Variants in BLM observed in about 807,000 individuals in gnomAD.
BLM encodes the protein recQ-like DNA helicase BLM.
In BLM, 95 loss-of-function variants were observed where a neutral mutation model predicts 135.3. The observed-to-expected ratio is 0.70, with a 90% confidence interval of 0.59 to 0.83. The LOEUF is 0.83. Among genes scored for constraint, BLM ranks in the 40% least tolerant of loss-of-function variants. The pLI is 0.00. For synonymous variants in BLM, 520 were observed against 589.2 expected (o/e 0.88, Z 1.70); for missense variants, 1,518 against 1,663.9 (o/e 0.91, Z 1.53).
chr15:90,808,829 G>T (rs1897340292), intron 19 of BLM: 1 of 453,548 alleles, frequency 2.2e-6, no homozygotes, highest in Non-Finnish European at 4.1e-6. Flanking sequence ...GGAACAGTGG[G>T]CAAGAGCAGA....
Position 90,769,241 on chromosome 15 carries a change from GT to G in BLM, c.2406+16del, listed in dbSNP as rs769233210. 2 of 1,596,344 alleles carry G rather than the reference GT, an allele frequency of 1.3e-6. No homozygotes were observed. The highest frequency in any genetic ancestry group is 8.6e-7 in the Non-Finnish European group (1 of 1,163,882). ...ACATTGTGTCAGTCAGGTAAATACT[GT>G]TTTTTATATCCGGAAATACCGATAA... On this transcript the variant is annotated intron_variant, in intron 11 of 21. Coordinates refer to ENST00000355112, the MANE Select transcript of BLM (RefSeq NM_000057.4).
intron 7 of BLM, among the ~76,000 whole-genome samples, chr15:90,762,008 T>C (rs924679126): frequency 1.3e-5 from 2 of 152,226 alleles, no homozygotes; most frequent in African/African-American, 4.8e-5. Flanking sequence ...GCCCTCCCTA[T>C]TTTTGCCATT....
Position 90,751,479 on chromosome 15 carries a change from G to A in BLM, c.800-308G>A, listed in dbSNP as rs183354552. Among the ~76,000 whole-genome samples the A allele has an allele frequency of 2.8e-3, 429 of 152,300 alleles. 1 individual carries two copies. The highest frequency in any genetic ancestry group is 0.014 in the Middle Eastern group (4 of 292). Reference sequence around the variant, plus strand: ...GCACTTTACCCTTATTTAAATATGAGTGAAAAGTTAAAAACTAGAAACGTC... The same window carrying A: ...GCACTTTACCCTTATTTAAATATGAATGAAAAGTTAAAAACTAGAAACGTC... On this transcript the variant is annotated intron_variant, in intron 3 of 21. Transcript: ENST00000355112.
chr15:90,771,486 CAAAAACA>C lies in BLM; in HGVS notation c.2555+1920_2555+1926del, dbSNP rs573740305. Reference sequence around the variant, plus strand: ...TGGGCAACAGAGTAAGGCCCTGTCTCAAAAACAAAAAACAAAAAACAAAAAAAAAGAT... The same window carrying C: ...TGGGCAACAGAGTAAGGCCCTGTCTCAAAAACAAAAAACAAAAAAAAAGAT... On this transcript the variant is annotated intron_variant, in intron 12 of 21. Coordinates refer to ENST00000355112, the MANE Select transcript of BLM (RefSeq NM_000057.4). Among the ~76,000 whole-genome samples, 68 of 147,908 alleles carry C rather than the reference CAAAAACA, an allele frequency of 4.6e-4. No individual in the cohort carries two copies. The East Asian group carries it at 6.3e-3, about 14-fold the overall frequency.
intron 12 of BLM, among the ~76,000 whole-genome samples, chr15:90,780,286 T>C (rs1398118737): frequency 3.3e-5 from 5 of 152,136 alleles, no homozygotes; most frequent in African/African-American, 1.2e-4. Context: ...GGTTTCACCA[T>C]GTTGGTTAGG....
At chr15:90,719,697 T>G (rs1000542101) in intron 1 of BLM, among the ~76,000 whole-genome samples, 6 of 152,196 alleles carry the variant, frequency 3.9e-5, no homozygotes, top group African/African-American at 1.4e-4. Context: ...TTCTATTTTC[T>G]GTATCTTTAT....
chr15:90,753,109 C>A (rs1325645341), intron 4 of BLM, among the ~76,000 whole-genome samples: 2 of 152,174 alleles, frequency 1.3e-5, no homozygotes, highest in African/African-American at 4.8e-5. Context: ...ATGGTAGTGG[C>A]CTGTAGTCCC....
Position 90,761,142 on chromosome 15 carries a change from G to C in BLM, c.1769G>C (p.Gly590Ala), listed in dbSNP as rs758250947. 2 of 1,532,890 alleles carry C rather than the reference G, an allele frequency of 1.3e-6. No individual in the cohort carries two copies. Among genetic ancestry groups the C allele is most frequent in the Non-Finnish European group, 1.7e-6 (2 of 1,145,196 alleles). 95.0% of individuals were successfully genotyped at this position (1,532,890 alleles called of 1,614,324 possible). A position where few individuals can be genotyped will look rare whatever the true frequency, so the allele number is the denominator to read the frequency against. ...GCTGCCTATCAACCCATCAAGGAAG[G>C]TCGGCCAATTAAATCAGTATCAGAA... The part of the protein sequence containing the change: ...STAAYQPIKE[G>A]RPIKSVSERL... Residue 590 changes from glycine (G) to alanine (A), a missense_variant, in exon 7 of 22, where the codon GGT (glycine) becomes GCT (alanine). Around this residue, in one of 5 missense-constraint regions of BLM, gnomAD observed 724 missense variants for 756.9 expected, o/e 0.96. Coordinates refer to ENST00000355112, the MANE Select transcript of BLM (RefSeq NM_000057.4).
chr15:90,755,975 T>C (rs1176925498), intron 5 of BLM, among the ~76,000 whole-genome samples: 1 of 152,140 alleles, frequency 6.6e-6, no homozygotes, highest in African/African-American at 2.4e-5. Context: ...TTTTTTGTGG[T>C]TTATTTTGGA....
At chr15:90,757,097 T>G (rs989780316) in intron 5 of BLM, among the ~76,000 whole-genome samples, 20 of 152,242 alleles carry the variant, frequency 1.3e-4, no homozygotes, top group Non-Finnish European at 2.1e-4. Flanking sequence ...TATGAACTTT[T>G]GCTAACTCTA....
chr15:90,798,207 T>G lies in BLM; in HGVS notation c.3228T>G (p.Asp1076Glu), dbSNP rs2151190260. Reference protein sequence around the residue: ...CCKTKDYKTRDVTDDVKSIVR... With the variant: ...CCKTKDYKTREVTDDVKSIVR... ...ATTCATAGGATTATAAAACAAGAGA[T>G]GTGACTGACGATGTGAAAAGTATTG... Residue 1076 changes from aspartate to glutamate, a missense_variant, in exon 17 of 22, where the codon GAT becomes GAG. Around this residue, in one of 5 missense-constraint regions of BLM, gnomAD observed 626 missense variants for 681.1 expected, o/e 0.92. Coordinates refer to ENST00000355112, the MANE Select transcript of BLM (RefSeq NM_000057.4). 6.2e-7 allele frequency: 1 copy of G among 1,607,332 alleles called. No homozygotes were observed.
rs1555419710 is a variant in BLM, at chr15:90,760,186, TG to T, written c.1129del (p.Glu377SerfsTer6). 7.4e-6 allele frequency: 12 copies of T among 1,613,008 alleles called. No individual in the cohort carries two copies. The highest frequency in any genetic ancestry group is 1.0e-5 in the Non-Finnish European group (12 of 1,178,964). ...ISLQQQLIHV[M>X]EHICKLIDTI... ...TTACAGCAGCAGCTTATTCATGTGA[TG>T]GAGCACATCTGTAAATTAATTGATA... On this transcript the variant is annotated frameshift_variant, in exon 6 of 22. Coordinates refer to ENST00000355112, the MANE Select transcript of BLM (RefSeq NM_000057.4). LOFTEE classifies it high-confidence loss of function.
chr15:90,725,580 G>A (rs1394581627), intron 1 of BLM, among the ~76,000 whole-genome samples: 2 of 148,294 alleles, frequency 1.3e-5, no homozygotes, highest in South Asian at 2.3e-4. Context: ...TGCAAGCTCC[G>A]CCTCCCGGGT....
intron 15 of BLM, chr15:90,793,886 C>T (rs1896964537): frequency 9.4e-6 from 2 of 212,918 alleles, no homozygotes; most frequent in Admixed American, 5.7e-5. Context: ...TCGGTGGATG[C>T]TCGACTGATA....
At chr15:90,718,502 G>T (rs1446024868) in intron 1 of BLM, among the ~76,000 whole-genome samples, 1 of 152,194 alleles carries the variant, frequency 6.6e-6, no homozygotes, top group Non-Finnish European at 1.5e-5. Flanking sequence ...ACAGGAATTC[G>T]AGAGACTGCA....
chr15:90,798,121 T>G (rs973054573), intron 16 of BLM, 69 bp from the exon 17 acceptor site: 2 of 1,369,094 alleles, frequency 1.5e-6, no homozygotes, highest in African/African-American at 2.9e-5. Flanking sequence ...CTATAGTTAA[T>G]ATTAAACCCT....
In BLM at chr15:90,761,263, T is replaced by A; in HGVS notation, c.1882+8T>A. The A allele has an allele frequency of 6.7e-7, 1 of 1,491,628 alleles. No homozygotes were observed. The highest frequency in any genetic ancestry group is 1.8e-4 in the Middle Eastern group (1 of 5,612). 92.4% of individuals were successfully genotyped at this position (1,491,628 alleles called of 1,614,324 possible). On this transcript the variant is annotated splice_region_variant and intron_variant, in intron 7 of 21. Coordinates refer to ENST00000355112, the MANE Select transcript of BLM (RefSeq NM_000057.4). Reference sequence around the variant, plus strand: ...CAATTCAGAATTATACTGGTAAGTTTAAAATAAATTGAATGCTTATATGAA... The same window carrying A: ...CAATTCAGAATTATACTGGTAAGTTAAAAATAAATTGAATGCTTATATGAA...
intron 12 of BLM, among the ~76,000 whole-genome samples, chr15:90,774,066 CTTTTTTT>C (rs61323062): frequency 1.3e-5 from 1 of 76,866 alleles, no homozygotes; most frequent in African/African-American, 6.1e-5. Flanking sequence ...GTGCCTCCGT[CTTTTTTT>C]TTTTTTTTTT....
intron 17 of BLM, among the ~76,000 whole-genome samples, chr15:90,799,038 A>T (rs1428387582): frequency 8.5e-6 from 1 of 117,040 alleles, no homozygotes; most frequent in Non-Finnish European, 2.0e-5. Context: ...GGTGGTGGGC[A>T]CCTGTAATCC....
Sources: allele counts gnomAD v4.1 joint callset (sites outside exome capture counted in the v4.1 genomes callset), GRCh38; gene constraint gnomAD v4.1.1; regional missense constraint gnomAD v4.1.1; transcripts MANE v1.5; gene names NCBI Gene and HGNC (gene_info 2026-07-23, HGNC 2026-07-21).